The following TIAM1 variants were observed in gnomAD, a reference collection of about 807,000 sequenced individuals.
The protein encoded by TIAM1 is rho guanine nucleotide exchange factor TIAM1.
Under a neutral mutation model 163.5 loss-of-function variants are expected in TIAM1, and 65 were observed. The ratio of observed to expected loss-of-function variants is 0.40; its 90% confidence interval spans 0.33 to 0.49. The LOEUF is 0.49. Among genes scored for constraint, TIAM1 ranks in the 20% least tolerant of loss-of-function variants. The pLI, the probability that TIAM1 is intolerant of heterozygous loss-of-function variation, is 0.77. For synonymous variants in TIAM1, 833 were observed against 810.1 expected (o/e 1.03, Z -0.48); for missense variants, 1,789 against 2,044.7 (o/e 0.87, Z 2.41).
chr21:31,384,401 CA>C (rs5843516), intron 2 of TIAM1, among the ~76,000 whole-genome samples: 117 of 107,828 alleles, frequency 1.1e-3, no homozygotes, highest in East Asian at 7.5e-3. Context: ...CCCATCTCTA[CA>C]AAAAAAAAAA....
At chr21:31,402,011 G>A (rs961169125) in intron 2 of TIAM1, among the ~76,000 whole-genome samples, 5 of 151,810 alleles carry the variant, frequency 3.3e-5, no homozygotes, top group Admixed American at 3.3e-4. Flanking sequence ...TCAGGAGATC[G>A]ACATCATCCT....
intron 2 of TIAM1, among the ~76,000 whole-genome samples, chr21:31,335,217 G>T (rs1386145353): frequency 6.6e-6 from 1 of 152,152 alleles, no homozygotes; most frequent in Non-Finnish European, 1.5e-5. Context: ...CAAAGAACCA[G>T]CCTGATACGT....
At chr21:31,540,353 C>G (rs1406308488) in intron 1 of TIAM1, among the ~76,000 whole-genome samples, 1 of 150,796 alleles carries the variant, frequency 6.6e-6, no homozygotes, top group Non-Finnish European at 1.5e-5. Flanking sequence ...CCATTGCACT[C>G]CAGCCTAGGC....
chr21:31,511,221 AC>A (rs1317031244), intron 1 of TIAM1, among the ~76,000 whole-genome samples: 1 of 152,184 alleles, frequency 6.6e-6, no homozygotes, highest in Non-Finnish European at 1.5e-5. Context: ...TGTTAGGGCA[AC>A]CCTAGGACAC....
intron 2 of TIAM1, among the ~76,000 whole-genome samples, chr21:31,296,970 GATTTCTGATCTGC>G (rs2074300814): frequency 6.6e-6 from 1 of 152,030 alleles, no homozygotes; most frequent in South Asian, 2.1e-4. Flanking sequence ...GCCTGGACTG[GATTTCTGATCTGC>G]ATTTCTCAAA....
chr21:31,201,375 T>C (rs2086191554), intron 12 of TIAM1, among the ~76,000 whole-genome samples: 1 of 152,196 alleles, frequency 6.6e-6, no homozygotes, highest in Admixed American at 6.5e-5. Flanking sequence ...GGAAAAGGGC[T>C]CATTATTTTG....
intron 1 of TIAM1, among the ~76,000 whole-genome samples, chr21:31,343,817 T>C (rs2076089275): frequency 1.3e-5 from 2 of 152,160 alleles, no homozygotes; most frequent in South Asian, 2.1e-4. Context: ...TCCCATACAA[T>C]GATCCTCGCT....
rs778979708 is a variant in TIAM1, at chr21:31,266,513, A to G, written c.460T>C (p.Ser154Pro). Residue 154 changes from serine (S) to proline (P), a missense_variant, in exon 4 of 28, where the codon TCC (serine) becomes CCC (proline). Physicochemically the swap from Ser to Pro is moderately conservative, Grantham distance 74. Coordinates refer to ENST00000541036, the MANE Select transcript of TIAM1 (RefSeq NM_001353694.2). ...GTCTCCATGAAAGTGGGCCCATTGG[A>G]TGTATAGGAATGCTGCCTCCTGCCT... The part of the protein sequence containing the change: ...EGGRRQHSYT[S>P]NGPTFMETAS... 122 of 1,613,904 alleles carry G rather than the reference A, an allele frequency of 7.6e-5. No homozygotes were observed. The highest frequency in any genetic ancestry group is 9.7e-5 in the Non-Finnish European group (114 of 1,180,026).
Position 31,253,780 on chromosome 21 carries a change from A to G in TIAM1, c.964-1591T>C, listed in dbSNP as rs991542682. Among the ~76,000 whole-genome samples, 7 of 152,300 alleles carry G rather than the reference A, an allele frequency of 4.6e-5. No individual in the cohort carries two copies. In the East Asian group the frequency reaches 1.2e-3, roughly 25 times the overall value. ...GGTTCCCACAGCTTTGCTATCTGCT[A>G]TCCTGCTTATTAACATCCACGGGTG... On this transcript the variant is annotated intron_variant, in intron 4 of 27. Transcript: ENST00000541036.
In TIAM1 at chr21:31,136,006, G is replaced by A; in HGVS notation, c.3810C>T (p.His1270=). 1 of 1,614,160 alleles carries A rather than the reference G, an allele frequency of 6.2e-7. No individual in the cohort carries two copies. Among genetic ancestry groups the A allele is most frequent in the Non-Finnish European group, 8.5e-7 (1 of 1,180,022 alleles). The change falls in exon 23 of 28, where the codon CAC becomes CAT. Residue 1270 remains histidine, a synonymous_variant. Coordinates refer to ENST00000541036, the MANE Select transcript of TIAM1 (RefSeq NM_001353694.2). ...ADLSMGDLLL[H]TTVIWLNPPA... ...GCGGGTTCAGCCAGATCACGGTAGTGTGCAAAAGCAGGTCTCCCATGCTCA... is the reference window on the plus strand; with the variant it reads ...GCGGGTTCAGCCAGATCACGGTAGTATGCAAAAGCAGGTCTCCCATGCTCA...
chr21:31,451,140 C>T (rs999655597), intron 2 of TIAM1, among the ~76,000 whole-genome samples: 2 of 151,976 alleles, frequency 1.3e-5, no homozygotes, highest in African/African-American at 2.4e-5. Flanking sequence ...CCGGCATCTG[C>T]GTCATCCCGT....
At chr21:31,219,511 C>G (rs1019788240) in intron 8 of TIAM1, among the ~76,000 whole-genome samples, 6 of 152,150 alleles carry the variant, frequency 3.9e-5, no homozygotes, top group African/African-American at 7.2e-5. Context: ...CAGCAGTCAG[C>G]GTGTTGGTTG....
chr21:31,251,682 G>C, intron 5 of TIAM1, 60 bp downstream of exon 5: 1 of 1,493,330 alleles, frequency 6.7e-7, no homozygotes, highest in South Asian at 1.3e-5. Flanking sequence ...GTGAGTATGT[G>C]CACAACGGGG....
In TIAM1 at chr21:31,395,212, TG is replaced by T. The variant is rs1411649821; in HGVS notation, c.-368-55791del. Among the ~76,000 whole-genome samples, 3 of 150,070 alleles carry T rather than the reference TG, an allele frequency of 2.0e-5. No individual in the cohort carries two copies. The highest frequency in any genetic ancestry group is 4.9e-5 in the African/African-American group (2 of 40,806). On this transcript the variant is annotated intron_variant, in intron 2 of 28. Transcript: ENST00000286827. This position sits in a 1 kb window ranked among gnomAD's most constrained non-coding sequence, Gnocchi z 7.5. Reference sequence around the variant, plus strand: ...GAGATCGCGCCACCACACTCCAGCCTGGGCAACAGAGTGAGACTCTGTCTCA... The same window carrying T: ...GAGATCGCGCCACCACACTCCAGCCTGGCAACAGAGTGAGACTCTGTCTCA...
At chr21:31,222,877 C>T (rs1350799926) in intron 8 of TIAM1, among the ~76,000 whole-genome samples, 1 of 151,038 alleles carries the variant, frequency 6.6e-6, no homozygotes, top group African/African-American at 2.4e-5. Flanking sequence ...GTCACCACAC[C>T]CAGGTAATTT....
intron 1 of TIAM1, among the ~76,000 whole-genome samples, chr21:31,552,207 G>A (rs975131630): frequency 4.6e-5 from 7 of 151,682 alleles, no homozygotes; most frequent in Non-Finnish European, 7.4e-5. Flanking sequence ...ACAGGTGTGC[G>A]CCACCACACC....
At chr21:31,231,398 A>G (rs1005872974) in intron 6 of TIAM1, among the ~76,000 whole-genome samples, 3 of 152,088 alleles carry the variant, frequency 2.0e-5, no homozygotes, top group African/African-American at 7.2e-5. Context: ...CCATAATCTG[A>G]TATGTTCTGT....
At chr21:31,166,653 T>C (rs1284419265) in intron 15 of TIAM1, among the ~76,000 whole-genome samples, 4 of 152,226 alleles carry the variant, frequency 2.6e-5, no homozygotes, top group Non-Finnish European at 5.9e-5. Context: ...CAGTATTCAA[T>C]CACTCATTAC....
chr21:31,413,517 G>A (rs1055111839), intron 2 of TIAM1, among the ~76,000 whole-genome samples: 2 of 151,714 alleles, frequency 1.3e-5, no homozygotes, highest in African/African-American at 4.8e-5. Context: ...TGATCCACCC[G>A]CCCCGGCCTC....
Sources: allele counts gnomAD v4.1 joint callset (sites outside exome capture counted in the v4.1 genomes callset), GRCh38; gene constraint gnomAD v4.1.1; non-coding constraint Gnocchi (gnomAD v3.1); transcripts MANE v1.5; gene names NCBI Gene and HGNC (gene_info 2026-07-23, HGNC 2026-07-21).